Variants in SACS observed in about 807,000 individuals in gnomAD.
The protein encoded by SACS is sacsin molecular chaperone.
In SACS, 197 loss-of-function variants were observed where a neutral mutation model predicts 348.0. The ratio of observed to expected loss-of-function variants is 0.57; its 90% CI spans 0.50 to 0.64. The LOEUF (loss-of-function observed/expected upper bound fraction) is 0.64. Ranked by LOEUF, SACS falls within the 30% of genes least tolerant of loss-of-function variation. The probability of loss-of-function intolerance (pLI) is 0.00; values close to 1 mark genes in which losing one functional copy is unlikely to be tolerated. For missense variants in SACS, 4,999 were observed against 5,360.8 expected (o/e 0.93, Z 2.11); for synonymous variants, 1,985 against 1,910.6 (o/e 1.04, Z -1.02).
At position 23,400,578 on chromosome 13, in the gene SACS, A is replaced by T. The variant is rs190977635; in HGVS notation, c.20+10642T>A. 7.3e-3 allele frequency among the ~76,000 whole-genome samples: 1,104 copies of T among 152,048 alleles called. 8 individuals are homozygous for T. The highest frequency in any genetic ancestry group is 0.025 in the African/African-American group (1,051 of 41,470). ...TGGGCCTACAGGTGCCCGCCACCAC[A>T]CCCGGCTAATTTTTTGTATTTTTAG... On this transcript the variant is annotated intron_variant, in intron 2 of 9. Coordinates refer to ENST00000382292, the MANE Select transcript of SACS (RefSeq NM_014363.6).
intron 7 of SACS, among the ~76,000 whole-genome samples, chr13:23,357,884 A>C (rs1870494695): frequency 6.6e-6 from 1 of 152,170 alleles, no homozygotes; most frequent in Non-Finnish European, 1.5e-5. Context: ...ACCACCTCAA[A>C]GATTTTCACT....
intron 2 of SACS, among the ~76,000 whole-genome samples, chr13:23,394,277 T>A (rs1872633220): frequency 6.6e-6 from 1 of 152,194 alleles, no homozygotes; most frequent in Non-Finnish European, 1.5e-5. Flanking sequence ...AGAATGCTGC[T>A]AAGTCAGTTT....
Position 23,338,132 on chromosome 13 carries a change from T to C in SACS, c.5744A>G (p.His1915Arg), listed in dbSNP as rs144822691. The stretch of plus-strand genomic sequence containing the variant: ...CTGTAAGTAAGCTTTCACAATAACA[T>C]GTCTCATGAACGTGGTATTCCATCG... Reference protein sequence around the residue: ...KGRWNTTFMRHVIVKAYLQVL... With the variant: ...KGRWNTTFMRRVIVKAYLQVL... Residue 1915 changes from histidine to arginine, a missense_variant, in exon 10 of 10, where the codon CAT (histidine) becomes CGT (arginine). By Grantham distance (29) the His-to-Arg change is conservative (BLOSUM62 0). Coordinates refer to ENST00000382292, the MANE Select transcript of SACS (RefSeq NM_014363.6). 315 of 1,614,042 alleles carry C rather than the reference T, an allele frequency of 2.0e-4. No homozygotes were observed. The highest frequency in any genetic ancestry group is 2.6e-4 in the Non-Finnish European group (308 of 1,179,976).
At chr13:23,389,115 T>C (rs1056312182) in intron 2 of SACS, among the ~76,000 whole-genome samples, 2 of 152,114 alleles carry the variant, frequency 1.3e-5, no homozygotes, top group Admixed American at 6.5e-5. Flanking sequence ...GACACACCCA[T>C]CTGTTAATTA....
intron 1 of SACS, chr13:23,428,660 C>T (rs1297453939): frequency 1.3e-5 from 2 of 152,050 alleles, no homozygotes; most frequent in East Asian, 1.9e-4. Flanking sequence ...ATAAAGATTT[C>T]GATGTAAAAT....
chr13:23,368,162 G>A (rs1010232150), intron 5 of SACS, among the ~76,000 whole-genome samples: 1 of 152,126 alleles, frequency 6.6e-6, no homozygotes, highest in Non-Finnish European at 1.5e-5. Flanking sequence ...CGACACTGCT[G>A]ATTACAGCAC....
chr13:23,348,340 T>C (rs1593139486), intron 9 of SACS, among the ~76,000 whole-genome samples: 1 of 151,690 alleles, frequency 6.6e-6, no homozygotes, highest in African/African-American at 2.4e-5. Context: ...AAGACACTGA[T>C]TTGAAGAGAA....
rs1873477979 is a variant in SACS, at chr13:23,411,453, G to A, written c.-214C>T. The stretch of plus-strand genomic sequence containing the variant: ...GTTGCATTTGTATTCCTTAAAGTAT[G>A]ACTCTCCAGTCTGATAATGGTTGCC... On this transcript the variant is annotated 5_prime_UTR_variant, in exon 2 of 10. Transcript: ENST00000382292. The A allele has an allele frequency of 1.7e-6, 1 of 599,048 alleles. No individual in the cohort carries two copies. The highest frequency in any genetic ancestry group is 3.0e-6 in the Non-Finnish European group (1 of 337,162). 37.1% of individuals were successfully genotyped at this position (599,048 alleles called of 1,614,324 possible). A position where few individuals can be genotyped will look rare whatever the true frequency, so the allele number is the denominator to read the frequency against.
At chr13:23,430,220 T>A (rs1874380236) in intron 1 of SACS, among the ~76,000 whole-genome samples, 1 of 151,372 alleles carries the variant, frequency 6.6e-6, no homozygotes, top group Non-Finnish European at 1.5e-5. Context: ...AAAAAAAAAA[T>A]TAATAAATAA....
At chr13:23,393,049 G>A (rs551428982) in intron 2 of SACS, among the ~76,000 whole-genome samples, 4 of 152,276 alleles carry the variant, frequency 2.6e-5, no homozygotes, top group East Asian at 1.9e-4. Flanking sequence ...TGGGCTCACA[G>A]GGTAGTTGGG....
intron 2 of SACS, among the ~76,000 whole-genome samples, chr13:23,400,197 T>C (rs942591276): frequency 1.1e-4 from 16 of 152,200 alleles, no homozygotes; most frequent in African/African-American, 3.6e-4. Context: ...TTTCAAGGTA[T>C]GGCAAGGAAA....
intron 2 of SACS, among the ~76,000 whole-genome samples, chr13:23,408,838 A>G (rs1873345926): frequency 6.6e-6 from 1 of 151,294 alleles, no homozygotes; most frequent in South Asian, 2.1e-4. Context: ...GGTGGTGGGC[A>G]CCTGTAGTCC....
rs757631207 is a variant in SACS, at chr13:23,333,766, T to C, written c.10110A>G (p.Gln3370=). The change falls in exon 10 of 10, where the codon CAA becomes CAG. Residue 3370 remains glutamine (Q), a synonymous_variant. Coordinates refer to ENST00000382292, the MANE Select transcript of SACS (RefSeq NM_014363.6). ...ATTTTTCTGCTCTAAATGTTGAAGTTTGGACCATATAATGTAGAGCCTTCA... is the reference window on the plus strand; with the variant it reads ...ATTTTTCTGCTCTAAATGTTGAAGTCTGGACCATATAATGTAGAGCCTTCA... ...SILKALHYMV[Q]TSTFRAEKLV... 5.0e-6 allele frequency: 8 copies of C among 1,613,852 alleles called. No homozygotes were observed. The South Asian group carries it at 8.8e-5, about 18-fold the overall frequency.
chr13:23,418,535 C>G (rs1298374027), intron 1 of SACS, among the ~76,000 whole-genome samples: 1 of 151,998 alleles, frequency 6.6e-6, no homozygotes, highest in Non-Finnish European at 1.5e-5. Context: ...TACATGGAGT[C>G]TTGCTCTGTC....
In SACS at chr13:23,338,336, C is replaced by A; in HGVS notation, c.5540G>T (p.Gly1847Val). Residue 1847 changes from glycine to valine, a missense_variant, in exon 10 of 10, where the codon GGG becomes GTG. Around this residue, in one of 6 missense-constraint regions of SACS, gnomAD observed 3,156 missense variants for 3,380.1 expected, o/e 0.93. Coordinates refer to ENST00000382292, the MANE Select transcript of SACS (RefSeq NM_014363.6). ...SGRRLGLVPC[G>V]AVGVQLSEIQ... ...TTCTGACAGCTGAACTCCTACTGCC[C>A]CACATGGAACCAGTCCTAGTCTTCT... is the stretch of plus-strand genomic sequence containing the variant. 1 of 1,614,112 alleles carries A rather than the reference C, an allele frequency of 6.2e-7. No individual in the cohort carries two copies. The highest frequency in any genetic ancestry group is 1.7e-5 in the Admixed American group (1 of 60,030).
chr13:23,356,976 A>C (rs932817491), intron 7 of SACS, among the ~76,000 whole-genome samples: 1 of 152,226 alleles, frequency 6.6e-6, no homozygotes, highest in East Asian at 1.9e-4. Context: ...CCCTGCTCCC[A>C]AGGCACAGAG....
In SACS at chr13:23,329,224, C is replaced by T; in HGVS notation, c.*912G>A. ...GATGTTTTTAAAGTTAAAAAAACTC[C>T]ACTACATGCCATATTGAAAGAAAAG... On this transcript the variant is annotated 3_prime_UTR_variant, in exon 10 of 10. Transcript: ENST00000382292. 1.3e-5 allele frequency: 6 copies of T among 468,154 alleles called. No individual in the cohort carries two copies. The highest frequency in any genetic ancestry group is 2.0e-5 in the African/African-American group (1 of 48,860). 29.0% of individuals were successfully genotyped at this position (468,154 alleles called of 1,614,324 possible).
Position 23,354,773 on chromosome 13 carries a change from C to G in SACS, c.1839G>C (p.Gln613His), listed in dbSNP as rs35840595. The G allele has an allele frequency of 6.2e-7, 1 of 1,614,054 alleles. No homozygotes were observed. Among genetic ancestry groups the G allele is most frequent in the South Asian group, 1.1e-5 (1 of 91,070 alleles). Residue 613 changes from glutamine to histidine, a missense_variant, in exon 8 of 10, where the codon CAG (glutamine) becomes CAC (histidine). By Grantham distance (24) the Gln-to-His change is conservative. Around this residue, in one of 6 missense-constraint regions of SACS, gnomAD observed 3,156 missense variants for 3,380.1 expected, o/e 0.93. Coordinates refer to ENST00000382292, the MANE Select transcript of SACS (RefSeq NM_014363.6). ...KVPGNVDAAV[Q>H]LTAASGTTPV... The stretch of plus-strand genomic sequence containing the variant: ...GTGTTGTGCCAGAGGCAGCTGTGAG[C>G]TGAACAGCAGCATCCACATTCCCTG...
chr13:23,428,021 C>G (rs1874264383), intron 1 of SACS: 1 of 152,182 alleles, frequency 6.6e-6, no homozygotes, highest in African/African-American at 2.4e-5. Flanking sequence ...CTGCCGTGTT[C>G]ACAGACACGC....
Sources: allele counts gnomAD v4.1 joint callset (sites outside exome capture counted in the v4.1 genomes callset), GRCh38; gene constraint gnomAD v4.1.1; regional missense constraint gnomAD v4.1.1; transcripts MANE v1.5; gene names NCBI Gene and HGNC (gene_info 2026-07-23, HGNC 2026-07-21).